MAN2A1: variants seen among roughly 807,000 people sequenced by gnomAD.
The protein encoded by MAN2A1 is mannosidase alpha class 2A member 1, also known as alpha-mannosidase 2.
In MAN2A1, 76 loss-of-function variants were observed where a neutral mutation model predicts 142.6. The observed-to-expected ratio is 0.53, with a 90% CI of 0.44 to 0.65. The LOEUF (loss-of-function observed/expected upper bound fraction) is 0.65. Among genes scored for constraint, MAN2A1 ranks in the 30% least tolerant of loss-of-function variants. The pLI is 0.00. For missense variants in MAN2A1, 1,311 were observed against 1,365.1 expected (o/e 0.96, Z 0.62); for synonymous variants, 559 against 473.2 (o/e 1.18, Z -2.35).
chr5:109,700,684 G>A (rs1750954573), intron 1 of MAN2A1, among the ~76,000 whole-genome samples: 1 of 152,092 alleles, frequency 6.6e-6, no homozygotes, highest in Non-Finnish European at 1.5e-5. Context: ...GAGTAGGCTG[G>A]GTCCTTCCAG....
intron 16 of MAN2A1, among the ~76,000 whole-genome samples, chr5:109,836,804 C>G (rs569860746): frequency 6.0e-4 from 92 of 152,328 alleles, no homozygotes; most frequent in African/African-American, 2.0e-3. Flanking sequence ...GCATCTGTGT[C>G]TGTCTCCATC....
intron 5 of MAN2A1, among the ~76,000 whole-genome samples, chr5:109,759,229 A>C (rs748232474): frequency 9.9e-5 from 15 of 152,226 alleles, no homozygotes; most frequent in Middle Eastern, 3.4e-3. Flanking sequence ...GATCATCGTT[A>C]ATTTCTTTCA....
intron 16 of MAN2A1, among the ~76,000 whole-genome samples, chr5:109,826,858 C>T (rs1311218321): frequency 6.6e-6 from 1 of 152,218 alleles, no homozygotes; most frequent in Non-Finnish European, 1.5e-5. Flanking sequence ...ACTTTGGCCT[C>T]CTGTAAATCA....
chr5:109,789,524 C>A lies in MAN2A1; in HGVS notation c.1940C>A (p.Pro647Gln). ...QKNIIRLSAE[P>Q]RYLVVYNPLE... is the part of the protein sequence containing the mutation. ...AATATAATAAGGCTGAGTGCGGAGCCAAGGTAAATTCATAATTTCTTACAA... is the reference window on the plus strand; with the variant it reads ...AATATAATAAGGCTGAGTGCGGAGCAAAGGTAAATTCATAATTTCTTACAA... The change falls in exon 12 of 22, where the codon CCA becomes CAA. Residue 647 changes from proline to glutamine, a missense_variant. By Grantham distance (76) the Pro-to-Gln change is moderately conservative. This residue lies in a region of MAN2A1 where 890 missense variants were observed against 920.5 expected (regional missense o/e 0.97). Transcript: ENST00000261483. 1 of 1,563,224 alleles carries A rather than the reference C, an allele frequency of 6.4e-7. No individual in the cohort carries two copies. Among genetic ancestry groups the A allele is most frequent in the South Asian group, 1.2e-5 (1 of 83,184 alleles).
chr5:109,785,062 A>G (rs926597716), intron 10 of MAN2A1, 136 bp downstream of exon 10: 1 of 568,394 alleles, frequency 1.8e-6, no homozygotes, highest in Non-Finnish European at 3.0e-6. Flanking sequence ...TTACTGTATC[A>G]AAACAGCACT....
chr5:109,746,572 GTTTTT>G (rs34492008), intron 4 of MAN2A1, among the ~76,000 whole-genome samples: 1 of 126,092 alleles, frequency 7.9e-6, no homozygotes, highest in Non-Finnish European at 1.7e-5. Flanking sequence ...CATTGTGCTG[GTTTTT>G]TTTTTTTTTT....
At chr5:109,835,471 T>C (rs28733449) in intron 16 of MAN2A1, among the ~76,000 whole-genome samples, 12,885 of 152,246 alleles carry the variant, frequency 0.085, 645 homozygotes, top group African/African-American at 0.15. Flanking sequence ...ATTTATTTTA[T>C]GTGATTTGAT....
chr5:109,746,314 A>G (rs1752403276), intron 4 of MAN2A1, among the ~76,000 whole-genome samples: 1 of 152,150 alleles, frequency 6.6e-6, no homozygotes, highest in Non-Finnish European at 1.5e-5. Flanking sequence ...GACACAGGTT[A>G]TAGCATTTAT....
chr5:109,804,779 A>G (rs538811002), intron 12 of MAN2A1, among the ~76,000 whole-genome samples: 1 of 152,290 alleles, frequency 6.6e-6, no homozygotes, highest in Admixed American at 6.5e-5. Context: ...CTCACACAGG[A>G]TAGATTTCAT....
intron 9 of MAN2A1, among the ~76,000 whole-genome samples, chr5:109,784,465 C>T (rs555176564): frequency 6.6e-6 from 1 of 152,212 alleles, no homozygotes; most frequent in South Asian, 2.1e-4. Flanking sequence ...ATAAGCCTGT[C>T]TTGCTGCCAA....
chr5:109,836,584 C>CT (rs1315189773), intron 16 of MAN2A1, among the ~76,000 whole-genome samples: 1 of 152,196 alleles, frequency 6.6e-6, no homozygotes, highest in African/African-American at 2.4e-5. Context: ...GAGAGTGGTG[C>CT]TAAAACCCTG....
rs1753551618 is a variant in MAN2A1 at position 109,784,725 on chromosome 5, A to G, written c.1578-19A>G. On this transcript the variant is annotated intron_variant, in intron 9 of 21. Transcript: ENST00000261483. The stretch of plus-strand genomic sequence containing the variant: ...AAAGTGTTTGTTTTAAAATAAAAAT[A>G]TGACTTTTATGCAATTAGGGCTGCT... 1.3e-6 allele frequency: 2 copies of G among 1,526,632 alleles called. No individual in the cohort carries two copies. The highest frequency in any genetic ancestry group is 1.8e-6 in the Non-Finnish European group (2 of 1,137,942). The allele number at this position is 1,526,632 out of a possible 1,614,324, so 94.6% of individuals were successfully genotyped here. A position where few individuals can be genotyped will look rare whatever the true frequency, so the allele number is the denominator to read the frequency against.
At chr5:109,786,805 G>T (rs1279252279) in intron 10 of MAN2A1, among the ~76,000 whole-genome samples, 1 of 151,884 alleles carries the variant, frequency 6.6e-6, no homozygotes, top group Non-Finnish European at 1.5e-5. Context: ...ATGAATTAGG[G>T]GTGCATTTGG....
chr5:109,697,394 G>T (rs1035261396), intron 1 of MAN2A1, among the ~76,000 whole-genome samples: 1 of 152,118 alleles, frequency 6.6e-6, no homozygotes, highest in Non-Finnish European at 1.5e-5. Flanking sequence ...CATTTTTTAC[G>T]AAAGTGGGGT....
chr5:109,845,811 A>G, intron 17 of MAN2A1, 54 bp from the exon 18 acceptor site: 4 of 1,444,438 alleles, frequency 2.8e-6, no homozygotes, highest in Non-Finnish European at 3.7e-6. Flanking sequence ...TCAAGTTTTT[A>G]AAAGAACATA....
intron 17 of MAN2A1, 119 bp downstream of exon 17, chr5:109,842,580 A>C: frequency 1.7e-6 from 1 of 603,230 alleles, no homozygotes; most frequent in Non-Finnish European, 2.6e-6. Context: ...TGCAAATTAT[A>C]TCTAAAATAA....
intron 1 of MAN2A1, 24 bp from the exon 2 acceptor site, chr5:109,713,496 C>T (rs1423601793): frequency 8.9e-6 from 14 of 1,566,422 alleles, no homozygotes; most frequent in Admixed American, 7.6e-5. Context: ...TTTCATATAG[C>T]TGCCTTTTTC....
intron 4 of MAN2A1, among the ~76,000 whole-genome samples, chr5:109,753,401 C>T (rs1301759012): frequency 6.6e-6 from 1 of 152,106 alleles, no homozygotes; most frequent in African/African-American, 2.4e-5. Context: ...TAGAAATTTC[C>T]AGCTTCTTCA....
At chr5:109,848,430 C>G (rs1199506499) in intron 19 of MAN2A1, among the ~76,000 whole-genome samples, 3 of 152,132 alleles carry the variant, frequency 2.0e-5, no homozygotes, top group Non-Finnish European at 2.9e-5. Context: ...TCTTTTTGCT[C>G]TATTCTCCTT....
Sources: allele counts gnomAD v4.1 joint callset (sites outside exome capture counted in the v4.1 genomes callset), GRCh38; gene constraint gnomAD v4.1.1; regional missense constraint gnomAD v4.1.1; transcripts MANE v1.5; gene names NCBI Gene and HGNC (gene_info 2026-07-23, HGNC 2026-07-21).